The following CPA6 variants were observed in gnomAD, a reference collection of about 807,000 sequenced individuals.
CPA6 encodes carboxypeptidase B.
CPA6 carries 58 observed loss-of-function variants against 63.3 expected under a neutral mutation model. That is an observed-to-expected ratio of 0.92 (90% CI 0.74 to 1.14). The LOEUF is 1.14. Ranked by LOEUF, CPA6 falls within the 50% of genes most tolerant of loss-of-function variation. The probability of loss-of-function intolerance (pLI) is 0.00; values close to 1 mark genes in which losing one functional copy is unlikely to be tolerated. For synonymous variants in CPA6, 185 were observed against 179.0 expected, an observed-to-expected ratio of 1.03 and a Z score of -0.27; for missense variants, 565 against 526.6, an observed-to-expected ratio of 1.07 and a Z score of -0.71.
intron 8 of CPA6, among the ~76,000 whole-genome samples, chr8:67,477,902 A>C (rs184193555): frequency 3.9e-5 from 6 of 152,260 alleles, no homozygotes; most frequent in Non-Finnish European, 5.9e-5. Context: ...TGAAATATGT[A>C]TTTGGTCTTC....
At chr8:67,586,983 G>A (rs548271071) in intron 2 of CPA6, among the ~76,000 whole-genome samples, 1 of 152,344 alleles carries the variant, frequency 6.6e-6, no homozygotes, top group Admixed American at 6.5e-5. Context: ...GATTTTGTGT[G>A]TAATCTAGGC....
chr8:67,527,032 G>C (rs928845765), intron 2 of CPA6, among the ~76,000 whole-genome samples: 11 of 152,170 alleles, frequency 7.2e-5, no homozygotes, highest in Non-Finnish European at 1.2e-4. Flanking sequence ...CTCCGAGGTA[G>C]AATGGATGGA....
At chr8:67,700,172 A>T (rs1030686618) in intron 1 of CPA6, among the ~76,000 whole-genome samples, 5 of 152,238 alleles carry the variant, frequency 3.3e-5, no homozygotes, top group Admixed American at 2.0e-4. Flanking sequence ...ATAGGGAGGT[A>T]CTATGTACAG....
At chr8:67,545,129 T>A (rs1310660535) in intron 2 of CPA6, among the ~76,000 whole-genome samples, 1 of 152,226 alleles carries the variant, frequency 6.6e-6, no homozygotes, top group Non-Finnish European at 1.5e-5. Context: ...CACCAGGTTA[T>A]GTAGAAGTGA....
chr8:67,472,379 T>A (rs1221599404), intron 8 of CPA6, among the ~76,000 whole-genome samples: 2 of 81,018 alleles, frequency 2.5e-5, no homozygotes, highest in African/African-American at 1.4e-4. Context: ...TTTATTTTTT[T>A]ATTTTATTTT....
At chr8:67,681,421 G>T (rs1816595547) in intron 1 of CPA6, among the ~76,000 whole-genome samples, 1 of 151,020 alleles carries the variant, frequency 6.6e-6, no homozygotes. Context: ...TTGTTAGCCA[G>T]GATGGTCTCG....
At position 67,518,031 on chromosome 8, in the gene CPA6, G is replaced by A. The variant is rs1452604312; in HGVS notation, c.209C>T (p.Pro70Leu). 6.3e-7 allele frequency: 1 copy of A among 1,599,840 alleles called. No homozygotes were observed. The highest frequency in any genetic ancestry group is 8.5e-7 in the Non-Finnish European group (1 of 1,174,636). ...SYQLKVDLWQ[P>L]SSISYVSEGT... is the part of the protein sequence containing the mutation. The stretch of plus-strand genomic sequence containing the variant: ...CTCTGATACATAGGAGATACTGCTG[G>A]GCTGCCACAGGTCCACCTGTAGTGC... The change falls in exon 3 of 11, where the codon CCC becomes CTC. Residue 70 changes from proline (P) to leucine (L), a missense_variant. Pro to Leu is a moderately conservative substitution (Grantham distance 98, BLOSUM62 -3). Transcript: ENST00000297770.
chr8:67,511,558 A>G lies in CPA6; in HGVS notation c.415T>C (p.Tyr139His). 6.3e-7 allele frequency: 1 copy of G among 1,596,702 alleles called. No homozygotes were observed. Among genetic ancestry groups the G allele is most frequent in the Non-Finnish European group, 8.6e-7 (1 of 1,164,340 alleles). The change falls in exon 4 of 11, where the codon TAT (tyrosine) becomes CAT (histidine). Residue 139 changes from tyrosine to histidine, a missense_variant. Physicochemically the swap from Tyr to His is moderately conservative, Grantham distance 83. Transcript: ENST00000297770. ...RSLSGYNYEV[Y>H]HSLEEIQNWM... is the part of the protein sequence containing the mutation. The stretch of plus-strand genomic sequence containing the variant: ...TTACATACTTCTTCTAAGGAGTGAT[A>G]AACTTCATAATTATATCCAGAGAGG...
At chr8:67,640,686 G>T (rs1563373194) in intron 1 of CPA6, among the ~76,000 whole-genome samples, 1 of 151,388 alleles carries the variant, frequency 6.6e-6, no homozygotes, top group African/African-American at 2.5e-5. Flanking sequence ...CGCCTGGGGA[G>T]CTCCTGCCCC....
intron 8 of CPA6, among the ~76,000 whole-genome samples, chr8:67,473,539 T>C (rs915936284): frequency 1.3e-5 from 2 of 152,220 alleles, no homozygotes; most frequent in Non-Finnish European, 2.9e-5. Flanking sequence ...TATAAAAGAC[T>C]CTGTACTGGT....
chr8:67,569,367 T>A (rs1813425592), intron 2 of CPA6: 2 of 196,302 alleles, frequency 1.0e-5, no homozygotes, highest in Non-Finnish European at 2.1e-5. Flanking sequence ...GAGGAATACT[T>A]TATTCATTAC....
intron 1 of CPA6, among the ~76,000 whole-genome samples, chr8:67,699,073 T>C (rs991206135): frequency 9.2e-5 from 14 of 152,254 alleles, no homozygotes; most frequent in Admixed American, 7.8e-4. Flanking sequence ...CTTTCCCAAA[T>C]GCTACATTAT....
At chr8:67,730,316 A>T (rs1368519241) in intron 1 of CPA6, among the ~76,000 whole-genome samples, 1 of 152,208 alleles carries the variant, frequency 6.6e-6, no homozygotes, top group Non-Finnish European at 1.5e-5. Flanking sequence ...AAAGATACAG[A>T]TACAGAGCCA....
intron 2 of CPA6, among the ~76,000 whole-genome samples, chr8:67,558,409 A>T (rs758770620): frequency 1.3e-5 from 2 of 152,210 alleles, no homozygotes; most frequent in Non-Finnish European, 2.9e-5. Context: ...CCATGAGGGC[A>T]TCTATCTTAT....
intron 10 of CPA6, among the ~76,000 whole-genome samples, chr8:67,427,401 T>A (rs1170025422): frequency 1.3e-5 from 2 of 152,190 alleles, no homozygotes; most frequent in East Asian, 3.9e-4. Flanking sequence ...GTTATGAAGA[T>A]CCTGTACACA....
intron 8 of CPA6, among the ~76,000 whole-genome samples, chr8:67,461,861 G>A (rs1037447767): frequency 1.4e-4 from 21 of 152,230 alleles, no homozygotes; most frequent in African/African-American, 5.1e-4. Context: ...CTTTCTTTAT[G>A]GGCCCATGAG....
intron 9 of CPA6, among the ~76,000 whole-genome samples, chr8:67,433,187 C>A (rs1328706939): frequency 6.6e-6 from 1 of 152,212 alleles, no homozygotes; most frequent in African/African-American, 2.4e-5. Context: ...ATTCATGTAA[C>A]CACCATCCAG....
chr8:67,601,532 T>C (rs1463203331), intron 2 of CPA6, among the ~76,000 whole-genome samples: 2 of 152,184 alleles, frequency 1.3e-5, no homozygotes, highest in Non-Finnish European at 2.9e-5. Context: ...AAATGATCCA[T>C]ACTTTTAAGC....
chr8:67,542,251 C>T (rs1369373022), intron 2 of CPA6, among the ~76,000 whole-genome samples: 2 of 152,222 alleles, frequency 1.3e-5, no homozygotes, highest in African/African-American at 2.4e-5. Flanking sequence ...CATTTAATGA[C>T]TGCTCTGTTC....
Sources: allele counts gnomAD v4.1 joint callset (sites outside exome capture counted in the v4.1 genomes callset), GRCh38; gene constraint gnomAD v4.1.1; transcripts MANE v1.5; gene names NCBI Gene and HGNC (gene_info 2026-07-23, HGNC 2026-07-21).